LIPA: variants seen among roughly 807,000 people sequenced by gnomAD.
LIPA encodes the protein lysosomal acid lipase/cholesteryl ester hydrolase.
In LIPA, 26 loss-of-function variants were observed where a neutral mutation model predicts 40.6. The observed-to-expected ratio is 0.64, with a 90% CI of 0.47 to 0.89. LIPA has a LOEUF of 0.89. LIPA is among the 40% of genes least tolerant of loss of function. The pLI, the probability that LIPA is intolerant of heterozygous loss-of-function variation, is 0.00. For missense variants in LIPA, 455 were observed against 479.6 expected (o/e 0.95, Z 0.48); for synonymous variants, 188 against 168.4 (o/e 1.12, Z -0.90).
rs146277318 is a variant in LIPA, at chr10:89,275,614, G to A, written c.-1-27965C>T. Among the ~76,000 whole-genome samples the A allele has an allele frequency of 3.2e-4, 48 of 152,304 alleles. No homozygotes were observed. In the East Asian group the frequency reaches 5.0e-3, roughly 16 times the overall value. ...ATAAGATCAAATACCCAAAAGAAAC[G>A]TGTATATCCCTTCCAGTGGCTCTGC... On this transcript the variant is annotated intron_variant, in intron 1 of 5. Transcript: ENST00000282673.
chr10:89,359,813 T>TCACA (rs1266622568), intron 2 of LIPA, among the ~76,000 whole-genome samples: 22 of 128,522 alleles, frequency 1.7e-4, no homozygotes, highest in East Asian at 7.0e-4. Context: ...TCTCTCTCTC[T>TCACA]CTCACACACA....
At chr10:89,368,567 C>T (rs1252405752) in intron 2 of LIPA, among the ~76,000 whole-genome samples, 1 of 152,054 alleles carries the variant, frequency 6.6e-6, no homozygotes, top group African/African-American at 2.4e-5. Context: ...GGACCATTGT[C>T]TTAAGTGGGT....
At chr10:89,267,186 A>G (rs1004492163) in intron 1 of LIPA, among the ~76,000 whole-genome samples, 3 of 152,218 alleles carry the variant, frequency 2.0e-5, no homozygotes, top group African/African-American at 4.8e-5. Context: ...AAGGGCATTC[A>G]AAATGGAATG....
intron 2 of LIPA, among the ~76,000 whole-genome samples, chr10:89,407,254 AAC>A (rs1235474970): frequency 3.9e-5 from 6 of 151,998 alleles, no homozygotes; most frequent in African/African-American, 1.4e-4. Context: ...TATCTACCCT[AAC>A]CCTTGCCTCC....
chr10:89,361,924 T>C (rs1186119407), intron 2 of LIPA, among the ~76,000 whole-genome samples: 1 of 132,290 alleles, frequency 7.6e-6, no homozygotes, highest in Non-Finnish European at 1.6e-5. Flanking sequence ...AGACAGGATC[T>C]CATTGTGTGT....
intron 1 of LIPA, chr10:89,339,624 G>A: frequency 1.2e-6 from 2 of 1,614,208 alleles, no homozygotes; most frequent in Non-Finnish European, 1.7e-6. Context: ...AAGCTCTTGA[G>A]AAGGGACTGA....
At chr10:89,371,231 C>T (rs760544653) in intron 2 of LIPA, among the ~76,000 whole-genome samples, 15 of 152,218 alleles carry the variant, frequency 9.9e-5, no homozygotes, top group Admixed American at 5.9e-4. Flanking sequence ...CCAGCCACTC[C>T]TACATCATGT....
chr10:89,391,741 G>A (rs1564806550), intron 2 of LIPA, among the ~76,000 whole-genome samples: 1 of 152,000 alleles, frequency 6.6e-6, no homozygotes, highest in African/African-American at 2.4e-5. Context: ...TGTTGGCCAC[G>A]ATGGTCTCCA....
chr10:89,274,907 A>G (rs1843282384), intron 1 of LIPA, among the ~76,000 whole-genome samples: 1 of 152,244 alleles, frequency 6.6e-6, no homozygotes, highest in Admixed American at 6.5e-5. Flanking sequence ...GACTTCTGCC[A>G]TCATTGCAGA....
chr10:89,396,208 A>T (rs1357691344), intron 2 of LIPA, among the ~76,000 whole-genome samples: 1 of 152,208 alleles, frequency 6.6e-6, no homozygotes, highest in Non-Finnish European at 1.5e-5. Flanking sequence ...ATCATTTTAC[A>T]TTCCCACCAG....
Position 89,300,356 on chromosome 10 carries a change from A to G in LIPA, c.-2+42255T>C, listed in dbSNP as rs191785528. ...AAGTTCTAATGTTTGATAGCCGACT[A>G]GGGTGACTATACTTAGCAACAATAT... On this transcript the variant is annotated intron_variant, in intron 1 of 5. Transcript: ENST00000282673. 2.0e-5 allele frequency among the ~76,000 whole-genome samples: 3 copies of G among 152,356 alleles called. No individual in the cohort carries two copies. In the East Asian group the frequency reaches 5.8e-4, roughly 29 times the overall value.
rs576668894 is a variant in LIPA at position 89,215,374 on chromosome 10, G to A, written c.967-313C>T. Among the ~76,000 whole-genome samples the A allele has an allele frequency of 2.0e-5, 3 of 152,308 alleles. No individual in the cohort carries two copies. The South Asian group carries it at 6.2e-4, about 32-fold the overall frequency. On this transcript the variant is annotated intron_variant, in intron 9 of 9. Transcript: ENST00000336233. Reference sequence around the variant, plus strand: ...CATAGGTAGTACACTCAAGGCAATAGTGGCTGGAAAGAGTTTGGGGTCATG... The same window carrying A: ...CATAGGTAGTACACTCAAGGCAATAATGGCTGGAAAGAGTTTGGGGTCATG...
intron 2 of LIPA, chr10:89,403,043 T>C (rs1453545786): frequency 1.2e-6 from 2 of 1,614,258 alleles, no homozygotes; most frequent in East Asian, 4.5e-5. Flanking sequence ...TCTTTCGATA[T>C]GCAGCCAAGT....
At chr10:89,374,343 A>ACT (rs10658637) in intron 2 of LIPA, among the ~76,000 whole-genome samples, 10,076 of 147,888 alleles carry the variant, frequency 0.068, 991 homozygotes, top group African/African-American at 0.22. Context: ...ACACACACAC[A>ACT]CTCTCTCTCT....
At chr10:89,358,806 T>G (rs554357075) in intron 2 of LIPA, among the ~76,000 whole-genome samples, 32 of 152,300 alleles carry the variant, frequency 2.1e-4, no homozygotes, top group Non-Finnish European at 3.5e-4. Context: ...AAGAGGGGTT[T>G]GTTAATGGGC....
Position 89,335,133 on chromosome 10 carries a change from G to A in LIPA, c.-2+7478C>T, listed in dbSNP as rs919532335. ...CAAGTATCAAATACCTCATCAAATT[G>A]GAGACTTTAGGGAGTAAGGCTTAGG... On this transcript the variant is annotated intron_variant, in intron 1 of 5. Coordinates refer to the LIPA transcript ENST00000282673. Among the ~76,000 whole-genome samples the A allele has an allele frequency of 4.6e-5, 7 of 152,178 alleles. No homozygotes were observed. The South Asian group carries it at 8.3e-4, about 18-fold the overall frequency.
At chr10:89,407,251 C>T (rs191291403) in intron 2 of LIPA, among the ~76,000 whole-genome samples, 83 of 152,272 alleles carry the variant, frequency 5.5e-4, no homozygotes, top group Non-Finnish European at 1.1e-3. Context: ...TTCTATCTAC[C>T]CTAACCCTTG....
At chr10:89,337,224 T>A (rs763624163) in intron 1 of LIPA, among the ~76,000 whole-genome samples, 2 of 152,132 alleles carry the variant, frequency 1.3e-5, no homozygotes, top group Non-Finnish European at 2.9e-5. Context: ...CTAACAAAAC[T>A]GAAAGCACCT....
chr10:89,297,861 C>T (rs1344183036), intron 1 of LIPA, among the ~76,000 whole-genome samples: 2 of 152,196 alleles, frequency 1.3e-5, no homozygotes, highest in Admixed American at 1.3e-4. Flanking sequence ...AGCCAGATGG[C>T]CGCCTGTCTG....
Sources: allele counts gnomAD v4.1 joint callset (sites outside exome capture counted in the v4.1 genomes callset), GRCh38; gene constraint gnomAD v4.1.1; transcripts MANE v1.5; gene names NCBI Gene and HGNC (gene_info 2026-07-23, HGNC 2026-07-21).